EIPR1: variants seen among roughly 807,000 people sequenced by gnomAD.
EIPR1 encodes EARP complex and GARP complex interacting protein 1, also known as EARP and GARP complex-interacting protein 1.
EIPR1 carries 25 observed loss-of-function variants against 48.1 expected under a neutral mutation model. The ratio of observed to expected loss-of-function variants is 0.52; its 90% CI spans 0.38 to 0.73. The LOEUF is 0.73. EIPR1 is among the 30% of genes least tolerant of loss of function. The pLI, the probability that EIPR1 is intolerant of heterozygous loss-of-function variation, is 0.00. For synonymous variants in EIPR1, 204 were observed against 201.9 expected, an observed-to-expected ratio of 1.01 and a Z score of -0.09; for missense variants, 415 against 506.2, an observed-to-expected ratio of 0.82 and a Z score of 1.73.
At chr2:3,220,604 G>A (rs1054733165) in intron 4 of EIPR1, among the ~76,000 whole-genome samples, 7 of 150,962 alleles carry the variant, frequency 4.6e-5, no homozygotes, top group African/African-American at 1.7e-4. Context: ...ATTTGTGCAT[G>A]TGTACATTTT....
chr2:3,296,278 C>T (rs1351659466), intron 3 of EIPR1, among the ~76,000 whole-genome samples: 45 of 52,504 alleles, frequency 8.6e-4, no homozygotes, highest in African/African-American at 1.8e-3. Context: ...CCATCCTCAC[C>T]ACACACAGAC....
chr2:3,335,074 G>A (rs62119493), intron 3 of EIPR1, among the ~76,000 whole-genome samples: 27,395 of 152,144 alleles, frequency 0.18, 2,571 homozygotes, highest in Non-Finnish European at 0.21. Flanking sequence ...TGGTCCCAGC[G>A]GACAGCCAGG....
chr2:3,365,660 T>G (rs1670954680), intron 1 of EIPR1, among the ~76,000 whole-genome samples: 1 of 150,166 alleles, frequency 6.7e-6, no homozygotes, highest in South Asian at 2.1e-4. Flanking sequence ...TGTCCCTGGG[T>G]ACTTGAGATT....
chr2:3,223,779 C>T (rs1326143399), intron 4 of EIPR1, among the ~76,000 whole-genome samples: 1 of 152,134 alleles, frequency 6.6e-6, no homozygotes, highest in East Asian at 1.9e-4. Flanking sequence ...CTGCTCACTC[C>T]CATTCTGAGG....
chr2:3,310,059 A>G (rs1008027964), intron 3 of EIPR1, among the ~76,000 whole-genome samples: 1 of 152,156 alleles, frequency 6.6e-6, no homozygotes, highest in African/African-American at 2.4e-5. Flanking sequence ...TACCCCACAC[A>G]AGCAAGAACA....
At chr2:3,358,093 C>T (rs1245239162) in intron 1 of EIPR1, among the ~76,000 whole-genome samples, 1 of 152,162 alleles carries the variant, frequency 6.6e-6, no homozygotes, top group South Asian at 2.1e-4. Flanking sequence ...GCCCCCTTCC[C>T]ATACGGAGCT....
At chr2:3,253,143 T>C (rs1667052915) in intron 4 of EIPR1, among the ~76,000 whole-genome samples, 1 of 152,186 alleles carries the variant, frequency 6.6e-6, no homozygotes, top group Non-Finnish European at 1.5e-5. Flanking sequence ...TCCACGGTCC[T>C]TTTTCCTAAC....
intron 3 of EIPR1, among the ~76,000 whole-genome samples, chr2:3,334,001 C>T (rs529522161): frequency 2.4e-4 from 36 of 152,190 alleles, no homozygotes; most frequent in East Asian, 9.7e-4. Flanking sequence ...AAGATGCCAC[C>T]GTTCACCAAA....
chr2:3,233,209 C>CTT (rs148239962), intron 4 of EIPR1, among the ~76,000 whole-genome samples: 2 of 148,374 alleles, frequency 1.3e-5, no homozygotes, highest in African/African-American at 4.9e-5. Context: ...CTGCAACTTG[C>CTT]TTTTTTTTTT....
chr2:3,192,052 GA>G (rs1157179586), intron 8 of EIPR1, among the ~76,000 whole-genome samples: 2 of 152,226 alleles, frequency 1.3e-5, no homozygotes, highest in Non-Finnish European at 2.9e-5. Flanking sequence ...CACTGACTGT[GA>G]TGCGTCTCTT....
chr2:3,208,586 C>T (rs2103125651), intron 5 of EIPR1: 1 of 1,550,632 alleles, frequency 6.4e-7, no homozygotes, highest in East Asian at 2.4e-5. Flanking sequence ...TTACCCTCTC[C>T]AAAGTGAGCT....
intron 5 of EIPR1, among the ~76,000 whole-genome samples, chr2:3,197,551 G>GGGGCT: frequency 6.6e-6 from 1 of 152,322 alleles, no homozygotes; most frequent in South Asian, 2.1e-4. Context: ...AAGGCCCTCT[G>GGGGCT]GGGCTGGTGT....
intron 4 of EIPR1, among the ~76,000 whole-genome samples, chr2:3,224,698 C>A (rs1199943177): frequency 6.6e-6 from 1 of 152,220 alleles, no homozygotes; most frequent in East Asian, 1.9e-4. Context: ...AACATCCCAG[C>A]ATGGACATCT....
intron 5 of EIPR1, among the ~76,000 whole-genome samples, chr2:3,198,710 GT>G (rs1446417606): frequency 6.6e-6 from 1 of 152,142 alleles, no homozygotes; most frequent in African/African-American, 2.4e-5. Context: ...AAACCAGCAA[GT>G]TTTTATTAGC....
intron 4 of EIPR1, among the ~76,000 whole-genome samples, chr2:3,215,128 G>C (rs1176588714): frequency 6.6e-6 from 1 of 152,222 alleles, no homozygotes; most frequent in African/African-American, 2.4e-5. Context: ...GGCAGCCCAA[G>C]CTAAGACACT....
At chr2:3,253,759 G>A (rs1290323092) in intron 4 of EIPR1, among the ~76,000 whole-genome samples, 1 of 152,196 alleles carries the variant, frequency 6.6e-6, no homozygotes, top group East Asian at 1.9e-4. Flanking sequence ...AAGGCGACTG[G>A]TGGGGTGCCC....
chr2:3,361,412 G>A (rs955798080), intron 1 of EIPR1, among the ~76,000 whole-genome samples: 1 of 151,780 alleles, frequency 6.6e-6, no homozygotes, highest in Non-Finnish European at 1.5e-5. Flanking sequence ...CAGCCATTCT[G>A]CTCTCACCTC....
intron 3 of EIPR1, among the ~76,000 whole-genome samples, chr2:3,309,809 C>T (rs1247464104): frequency 2.0e-5 from 3 of 152,054 alleles, no homozygotes; most frequent in African/African-American, 7.3e-5. Context: ...GTTCTAACAC[C>T]CCCCTTACTA....
chr2:3,243,166 A>C (rs11687440), intron 4 of EIPR1, among the ~76,000 whole-genome samples: 2,131 of 152,338 alleles, frequency 0.014, 46 homozygotes, highest in African/African-American at 0.049. Context: ...AACCCCGTTT[A>C]AAGTCTGACA....
Sources: allele counts gnomAD v4.1 joint callset (sites outside exome capture counted in the v4.1 genomes callset), GRCh38; gene constraint gnomAD v4.1.1; transcripts MANE v1.5; gene names NCBI Gene and HGNC (gene_info 2026-07-23, HGNC 2026-07-21).